The following NIPA2 variants were observed in gnomAD, a reference collection of about 807,000 sequenced individuals.
NIPA2 encodes the protein NIPA magnesium transporter 2.
NIPA2 carries 11 observed loss-of-function variants against 29.7 expected under a neutral mutation model. That is an observed-to-expected ratio of 0.37 (90% confidence interval 0.23 to 0.61). The LOEUF is 0.61. Ranked by LOEUF, NIPA2 falls within the 20% of genes least tolerant of loss-of-function variation. The pLI is 0.66. For missense variants in NIPA2, 426 were observed against 437.9 expected, an observed-to-expected ratio of 0.97 and a Z score of 0.24; for synonymous variants, 183 against 161.9, an observed-to-expected ratio of 1.13 and a Z score of -0.99.
chr15:22,864,731 G>C (rs2058862728), intron 7 of NIPA2, among the ~76,000 whole-genome samples: 1 of 152,152 alleles, frequency 6.6e-6, no homozygotes, highest in Non-Finnish European at 1.5e-5. Flanking sequence ...TATCTTTTGA[G>C]CATTCTGTGC....
rs975243513 is a variant in NIPA2 at position 22,858,523 on chromosome 15, T to C, written c.197-17T>C. 2.5e-6 allele frequency: 4 copies of C among 1,582,886 alleles called. No individual in the cohort carries two copies. The highest frequency in any genetic ancestry group is 1.7e-5 in the Admixed American group (1 of 57,298). ...TACATTCTTACCTGAGTTTTTCTTT[T>C]GTTGTCTGTCTCTAAGTGGGAGCTG... On this transcript the variant is annotated splice_polypyrimidine_tract_variant and intron_variant, in intron 5 of 7. Coordinates refer to ENST00000337451, the MANE Select transcript of NIPA2 (RefSeq NM_030922.7).
In NIPA2 at chr15:22,866,526, A is replaced by ATTC; in HGVS notation, c.765_767dup (p.Phe256dup). 1 of 1,613,864 alleles carries ATTC rather than the reference A, an allele frequency of 6.2e-7. No individual in the cohort carries two copies. Among genetic ancestry groups the ATTC allele is most frequent in the African/African-American group, 1.3e-5 (1 of 75,056 alleles). ...CCATTGTGACTCCAATATATTATGT[A>ATTC]TTCTTTACAACATCAGTTTTAACTT... On this transcript the variant is annotated inframe_insertion, in exon 8 of 8. Transcript: ENST00000337451.
At chr15:22,860,896 A>G (rs1053458033) in intron 7 of NIPA2, 107 bp downstream of exon 7, 20 of 770,642 alleles carry the variant, frequency 2.6e-5, no homozygotes, top group Middle Eastern at 2.7e-4. Context: ...TCCACCTGGT[A>G]GAAGAACAAA....
intron 2 of NIPA2, among the ~76,000 whole-genome samples, chr15:22,843,357 T>C (rs541909845): frequency 9.9e-5 from 15 of 151,424 alleles, no homozygotes; most frequent in African/African-American, 3.6e-4. Flanking sequence ...TACAAAAAAA[T>C]TAGCCATGCA....
chr15:22,850,985 T>C (rs746620844), intron 3 of NIPA2, among the ~76,000 whole-genome samples: 1 of 152,184 alleles, frequency 6.6e-6, no homozygotes, highest in Non-Finnish European at 1.5e-5. Context: ...GGAAAAACAA[T>C]TGCAGTCTTG....
chr15:22,843,566 T>C (rs1178128214), intron 2 of NIPA2, among the ~76,000 whole-genome samples: 1 of 152,144 alleles, frequency 6.6e-6, no homozygotes, highest in African/African-American at 2.4e-5. Context: ...ACATATCTTT[T>C]TAATTAAGGC....
chr15:22,860,483 C>CT (rs1284375120), intron 6 of NIPA2, 146 bp from the exon 7 acceptor site: 7 of 600,440 alleles, frequency 1.2e-5, no homozygotes, highest in Middle Eastern at 7.6e-4. Context: ...GAAATGTATA[C>CT]TTTTTTTCCT....
At chr15:22,840,290 G>GTTTTT (rs59421708) in intron 2 of NIPA2, among the ~76,000 whole-genome samples, 120 of 137,820 alleles carry the variant, frequency 8.7e-4, no homozygotes, top group African/African-American at 3.1e-3. Context: ...TCTATATATA[G>GTTTTT]TTTTTTTTTT....
At chr15:22,850,428 A>G (rs1044404176) in intron 3 of NIPA2, among the ~76,000 whole-genome samples, 1 of 152,192 alleles carries the variant, frequency 6.6e-6, no homozygotes, top group African/African-American at 2.4e-5. Flanking sequence ...GAGGGAGAAT[A>G]GTCTTCTCAT....
chr15:22,852,264 C>T (rs1215865182), intron 4 of NIPA2, among the ~76,000 whole-genome samples: 1 of 152,004 alleles, frequency 6.6e-6, no homozygotes, highest in Non-Finnish European at 1.5e-5. Context: ...GTCAGGAGTT[C>T]GAGACCAGCC....
Position 22,866,064 on chromosome 15 carries a change from G to C in NIPA2, c.449-149G>C, listed in dbSNP as rs1173792355. ...TCCATCTAAGTAAATTTTTGTGGTTGCATTTCTGCTTGGGCTGCAAAATAA... is the reference window on the plus strand; with the variant it reads ...TCCATCTAAGTAAATTTTTGTGGTTCCATTTCTGCTTGGGCTGCAAAATAA... On this transcript the variant is annotated intron_variant, in intron 7 of 7. Coordinates refer to ENST00000337451, the MANE Select transcript of NIPA2 (RefSeq NM_030922.7). 5 of 637,938 alleles carry C rather than the reference G, an allele frequency of 7.8e-6. No individual in the cohort carries two copies. The South Asian group carries it at 1.0e-4, about 13-fold the overall frequency. 39.5% of individuals were successfully genotyped at this position (637,938 alleles called of 1,614,324 possible).
At chr15:22,847,627 C>T (rs1899159147) in intron 3 of NIPA2, among the ~76,000 whole-genome samples, 1 of 151,864 alleles carries the variant, frequency 6.6e-6, no homozygotes, top group Non-Finnish European at 1.5e-5. Flanking sequence ...ACTGCGCCAG[C>T]TAATTTTTGT....
intron 4 of NIPA2, 30 bp from the exon 5 acceptor site, chr15:22,853,182 C>T (rs779948537): frequency 6.7e-7 from 1 of 1,501,672 alleles, no homozygotes; most frequent in Non-Finnish European, 9.3e-7. Flanking sequence ...TACAGTCTTC[C>T]AAAGATGTGA....
At position 22,866,766 on chromosome 15, in the gene NIPA2, TGAA is replaced by T. The variant is rs754566395; in HGVS notation, c.1006_1008del (p.Glu336del). ...ATATGTATGAAGTTCTTAATAATAA[TGAA>T]GAAAGCTTAACCTGTGGAATCGAAC... On this transcript the variant is annotated inframe_deletion, in exon 8 of 8. Transcript: ENST00000337451. 9 of 1,613,648 alleles carry T rather than the reference TGAA, an allele frequency of 5.6e-6. No individual in the cohort carries two copies. The highest frequency in any genetic ancestry group is 2.2e-5 in the East Asian group (1 of 44,876).
At chr15:22,852,164 G>A (rs2057793594) in intron 4 of NIPA2, among the ~76,000 whole-genome samples, 1 of 152,106 alleles carries the variant, frequency 6.6e-6, no homozygotes, top group Admixed American at 6.5e-5. Flanking sequence ...CTGCAGGGAA[G>A]GAAATAAGAG....
intron 5 of NIPA2, 62 bp downstream of exon 5, chr15:22,853,330 GTAT>G (rs112561213): frequency 1.7e-5 from 17 of 1,012,726 alleles, no homozygotes; most frequent in East Asian, 4.9e-5. Flanking sequence ...TTTGCATATG[GTAT>G]TATAGCCTCA....
intron 3 of NIPA2, among the ~76,000 whole-genome samples, chr15:22,849,977 A>AAACGTT (rs2057606854): frequency 6.6e-6 from 1 of 152,052 alleles, no homozygotes; most frequent in African/African-American, 2.4e-5. Context: ...TGTATTTTAA[A>AAACGTT]AACGTTAATA....
chr15:22,865,394 G>C (rs1244707555), intron 7 of NIPA2, among the ~76,000 whole-genome samples: 1 of 151,924 alleles, frequency 6.6e-6, no homozygotes, highest in Non-Finnish European at 1.5e-5. Context: ...GCTGAGGCAG[G>C]AGAATGGCGT....
At chr15:22,841,419 T>C (rs1353766628) in intron 2 of NIPA2, among the ~76,000 whole-genome samples, 1 of 152,240 alleles carries the variant, frequency 6.6e-6, no homozygotes, top group East Asian at 1.9e-4. Context: ...GAAAATAAAT[T>C]ATGATCTGGC....
Sources: allele counts gnomAD v4.1 joint callset (sites outside exome capture counted in the v4.1 genomes callset), GRCh38; gene constraint gnomAD v4.1.1; transcripts MANE v1.5; gene names NCBI Gene and HGNC (gene_info 2026-07-23, HGNC 2026-07-21).